The following ABLIM1 variants were observed in gnomAD, a reference collection of about 807,000 sequenced individuals.
ABLIM1 encodes the protein actin binding LIM protein 1.
In ABLIM1, 40 loss-of-function variants were observed where a neutral mutation model predicts 107.0. The observed-to-expected ratio is 0.37, with a 90% confidence interval of 0.29 to 0.49. The LOEUF is 0.49. ABLIM1 is among the 20% of genes least tolerant of loss of function. ABLIM1 has a pLI of 0.97. For synonymous variants in ABLIM1, 357 were observed against 357.3 expected, an observed-to-expected ratio of 1.00 and a Z score of 0.01; for missense variants, 857 against 1,008.5, an observed-to-expected ratio of 0.85 and a Z score of 2.04.
At chr10:114,769,538 A>G (rs2082996919), upstream of ABLIM1, among the ~76,000 whole-genome samples, 1 of 145,000 alleles carries the variant, frequency 6.9e-6, no homozygotes, top group South Asian at 2.3e-4. Context: ...AAAAGAAAGG[A>G]AGGAAGGAAG....
intron 1 of ABLIM1, among the ~76,000 whole-genome samples, chr10:114,638,991 T>C (rs2078612585): frequency 6.6e-6 from 1 of 152,228 alleles, no homozygotes; most frequent in Admixed American, 6.5e-5. Flanking sequence ...GTGGTTTATG[T>C]AGACAGCAAG....
At chr10:114,690,845 C>G (rs1028981941) in intron 1 of ABLIM1, among the ~76,000 whole-genome samples, 1 of 152,184 alleles carries the variant, frequency 6.6e-6, no homozygotes, top group Non-Finnish European at 1.5e-5. Context: ...CTACACTCAG[C>G]TAATTTTTGT....
Position 114,473,012 on chromosome 10 carries a change from A to G in ABLIM1, c.1240T>C (p.Tyr414His). The G allele has an allele frequency of 6.2e-7, 1 of 1,608,780 alleles. No individual in the cohort carries two copies. The highest frequency in any genetic ancestry group is 8.5e-7 in the Non-Finnish European group (1 of 1,177,152). ...ITYEPFYTSGYDDKQERQSLG... is the reference protein window; with the variant it reads ...ITYEPFYTSGHDDKQERQSLG... ...CTCTGTCTCTCCTGTTTGTCATCATAGCCCGAAGTGTAGAAAGGCTCATAG... is the reference window on the plus strand; with the variant it reads ...CTCTGTCTCTCCTGTTTGTCATCATGGCCCGAAGTGTAGAAAGGCTCATAG... The change falls in exon 10 of 23, where the codon TAT becomes CAT. Residue 414 changes from tyrosine to histidine, a missense_variant. This residue lies in a region of ABLIM1 where 381 missense variants were observed against 506.9 expected (regional missense o/e 0.75). Coordinates refer to ENST00000533213, the MANE Select transcript of ABLIM1 (RefSeq NM_002313.7).
chr10:114,743,754 T>C (rs2082330753), intron 1 of ABLIM1, among the ~76,000 whole-genome samples: 1 of 152,204 alleles, frequency 6.6e-6, no homozygotes, highest in Non-Finnish European at 1.5e-5. Flanking sequence ...CTGTTCTCCA[T>C]CACAGCTCTT....
chr10:114,694,179 A>G (rs73371865), intron 1 of ABLIM1, among the ~76,000 whole-genome samples: 4,626 of 152,340 alleles, frequency 0.03, 231 homozygotes, highest in African/African-American at 0.1. Context: ...CACACCCTAC[A>G]GGATCTGTCT....
At position 114,484,393 on chromosome 10, in the gene ABLIM1, T is replaced by G. The variant is rs1325905000; in HGVS notation, c.1041+3565A>C. On this transcript the variant is annotated intron_variant, in intron 8 of 22. Coordinates refer to ENST00000533213, the MANE Select transcript of ABLIM1 (RefSeq NM_002313.7). ...TTCCCACTTCACTGTTCTTTTGTTT[T>G]TTTTCTTGAGACAGAGTCTTGCTCT... 5.3e-5 allele frequency among the ~76,000 whole-genome samples: 8 copies of G among 152,130 alleles called. No homozygotes were observed. In the East Asian group the frequency reaches 1.5e-3, roughly 29 times the overall value.
chr10:114,784,572 C>T, the ABLIM1 span, among the ~76,000 whole-genome samples: 1 of 144,556 alleles, frequency 6.9e-6, no homozygotes, highest in Non-Finnish European at 1.5e-5. Context: ...GAGGCTGAGG[C>T]AGGAGAATTG....
At chr10:114,649,200 C>T (rs1451253717) in intron 1 of ABLIM1, among the ~76,000 whole-genome samples, 3 of 151,872 alleles carry the variant, frequency 2.0e-5, no homozygotes, top group Non-Finnish European at 4.4e-5. Context: ...GAGTTCAAGA[C>T]CAGCTTTGGC....
rs554382122 is a variant in ABLIM1, at chr10:114,445,055, C to T, written c.1827+257G>A. Reference sequence around the variant, plus strand: ...CCCCATGTGGTCTCTCTTTCCTTCCCACAACAACCCAAACCTTCCACACCC... The same window carrying T: ...CCCCATGTGGTCTCTCTTTCCTTCCTACAACAACCCAAACCTTCCACACCC... On this transcript the variant is annotated intron_variant, in intron 16 of 22. Transcript: ENST00000533213. Among the ~76,000 whole-genome samples, 4 of 152,268 alleles carry T rather than the reference C, an allele frequency of 2.6e-5. No individual in the cohort carries two copies. In the East Asian group the frequency reaches 5.8e-4, roughly 22 times the overall value.
At chr10:114,513,856 T>A (rs150128192) in intron 6 of ABLIM1, among the ~76,000 whole-genome samples, 1 of 152,182 alleles carries the variant, frequency 6.6e-6, no homozygotes, top group Non-Finnish European at 1.5e-5. Flanking sequence ...CAAATTCTTA[T>A]TGACTATTAA....
At chr10:114,600,190 C>G (rs995799929) in intron 2 of ABLIM1, among the ~76,000 whole-genome samples, 1 of 152,156 alleles carries the variant, frequency 6.6e-6, no homozygotes, top group Non-Finnish European at 1.5e-5. Flanking sequence ...AGGCAGGACT[C>G]AAGCCACACA....
intron 1 of ABLIM1, among the ~76,000 whole-genome samples, chr10:114,608,636 T>TCCTGGGCATGGCATCCTGC (rs1250424259): frequency 2.0e-5 from 3 of 151,856 alleles, no homozygotes; most frequent in African/African-American, 7.3e-5. Context: ...GCCATTGCAC[T>TCCTGGGCATGGCATCCTGC]CCATCCTGGG....
At chr10:114,462,992 G>A (rs2064266022) in intron 12 of ABLIM1, 4 of 1,303,602 alleles carry the variant, frequency 3.1e-6, no homozygotes, top group Non-Finnish European at 4.0e-6. Context: ...TTCCCAGGGT[G>A]CTAATAAATC....
chr10:114,465,554 G>T, intron 12 of ABLIM1, 144 bp downstream of exon 12: 1 of 937,594 alleles, frequency 1.1e-6, no homozygotes, highest in Non-Finnish European at 1.5e-6. Flanking sequence ...ATAAAATATA[G>T]TTGGATACCA....
intron 1 of ABLIM1, among the ~76,000 whole-genome samples, chr10:114,722,160 T>G (rs958946316): frequency 6.6e-6 from 1 of 152,196 alleles, no homozygotes; most frequent in African/African-American, 2.4e-5. Flanking sequence ...TAATTTATAA[T>G]GAAAAGAGGT....
intron 4 of ABLIM1, among the ~76,000 whole-genome samples, chr10:114,549,112 C>T (rs1427834188): frequency 1.3e-5 from 2 of 152,142 alleles, no homozygotes; most frequent in African/African-American, 4.8e-5. Flanking sequence ...GGGCTGGGTG[C>T]GGTGGCACAC....
chr10:114,558,113 T>G (rs960734595), intron 4 of ABLIM1, among the ~76,000 whole-genome samples: 2 of 152,218 alleles, frequency 1.3e-5, no homozygotes, highest in Admixed American at 6.5e-5. Context: ...TGACTTTCTG[T>G]GCAGCGAGCA....
chr10:114,466,940 C>T (rs2065300074), intron 11 of ABLIM1, among the ~76,000 whole-genome samples: 1 of 152,114 alleles, frequency 6.6e-6, no homozygotes, highest in African/African-American at 2.4e-5. Flanking sequence ...GGGTGGATCA[C>T]CTGAGGTCAG....
chr10:114,586,003 G>C (rs1422954278), intron 2 of ABLIM1, among the ~76,000 whole-genome samples: 2 of 152,122 alleles, frequency 1.3e-5, no homozygotes, highest in Non-Finnish European at 2.9e-5. Context: ...CCTATTTCAT[G>C]CTACTTTAAA....
Sources: allele counts gnomAD v4.1 joint callset (sites outside exome capture counted in the v4.1 genomes callset), GRCh38; gene constraint gnomAD v4.1.1; regional missense constraint gnomAD v4.1.1; transcripts MANE v1.5; gene names NCBI Gene and HGNC (gene_info 2026-07-23, HGNC 2026-07-21).